RAPH1: variants seen among roughly 807,000 people sequenced by gnomAD.
RAPH1 encodes the protein Ras association (RalGDS/AF-6) and pleckstrin homology domains 1.
A neutral mutation model predicts 88.1 loss-of-function variants in RAPH1; 18 were observed. That is an observed-to-expected ratio of 0.20 (90% CI 0.14 to 0.30). RAPH1 has a LOEUF of 0.30. Ranked by LOEUF, RAPH1 falls within the 10% of genes least tolerant of loss-of-function variation. The probability of loss-of-function intolerance (pLI) is 1.00; values close to 1 mark genes in which losing one functional copy is unlikely to be tolerated. For missense variants in RAPH1, 1,448 were observed against 1,543.2 expected (o/e 0.94, Z 1.03); for synonymous variants, 587 against 559.0 (o/e 1.05, Z -0.71).
chr2:203,505,840 C>T (rs962772719), intron 1 of RAPH1, among the ~76,000 whole-genome samples: 7 of 152,148 alleles, frequency 4.6e-5, no homozygotes, highest in African/African-American at 9.7e-5. Context: ...TACACACACG[C>T]GCGCGCACGC....
chr2:203,450,777 G>GC (rs1351940532), intron 10 of RAPH1, among the ~76,000 whole-genome samples: 1 of 152,168 alleles, frequency 6.6e-6, no homozygotes, highest in Non-Finnish European at 1.5e-5. Context: ...TAGATGGCTC[G>GC]CAACTGTATC....
At chr2:203,533,818 C>T (rs1442614128) in intron 1 of RAPH1, among the ~76,000 whole-genome samples, 1 of 152,136 alleles carries the variant, frequency 6.6e-6, no homozygotes, top group Non-Finnish European at 1.5e-5. Context: ...AGGTGCTACG[C>T]ATTTTGCATA....
At chr2:203,506,900 T>A (rs7576492) in intron 1 of RAPH1, among the ~76,000 whole-genome samples, 33,735 of 91,318 alleles carry the variant, frequency 0.37, 8,022 homozygotes, top group Middle Eastern at 0.55. Context: ...ATATATATAT[T>A]TTTTTTTTTT....
rs1690271083 is a variant in RAPH1, at chr2:203,529,103, C to T, written c.-1+6008G>A. Among the ~76,000 whole-genome samples the T allele has an allele frequency of 2.8e-5, 4 of 145,086 alleles. No homozygotes were observed. In the South Asian group the frequency reaches 6.6e-4, roughly 24 times the overall value. The stretch of plus-strand genomic sequence containing the variant: ...GGTGATGCTCCCAATCTCAGCCTCC[C>T]GAGTTAACTGCAACTACAGGCACAC... On this transcript the variant is annotated intron_variant, in intron 1 of 13. Transcript: ENST00000319170.
In RAPH1 at chr2:203,486,044, G is replaced by A. The variant is rs906421318; in HGVS notation, c.732+3540C>T. Reference sequence around the variant, plus strand: ...GAAGACTGGAAGAATCTTCTCCAGAGAAGCTCACCAGCCTAGGAAAAAAAA... The same window carrying A: ...GAAGACTGGAAGAATCTTCTCCAGAAAAGCTCACCAGCCTAGGAAAAAAAA... On this transcript the variant is annotated intron_variant, in intron 4 of 13. Transcript: ENST00000319170. 2.8e-5 allele frequency among the ~76,000 whole-genome samples: 4 copies of A among 144,522 alleles called. No homozygotes were observed. In the Admixed American group the frequency reaches 2.9e-4, roughly 10 times the overall value. The allele number at this position is 144,522 out of a possible 152,430, so 94.8% of individuals were successfully genotyped here.
At chr2:203,529,006 T>TATATATATATATA (rs1553633902) in intron 1 of RAPH1, among the ~76,000 whole-genome samples, 4 of 46,094 alleles carry the variant, frequency 8.7e-5, no homozygotes, top group African/African-American at 2.4e-4. Context: ...TATATATATA[T>TATATATATATATA]TTTTTTTTTT....
At chr2:203,465,805 A>C (rs2245769) in intron 4 of RAPH1, among the ~76,000 whole-genome samples, 15,884 of 152,126 alleles carry the variant, frequency 0.1, 1,684 homozygotes, top group African/African-American at 0.27. Context: ...TTGAAACCAG[A>C]AAACGGAGGT....
chr2:203,522,681 C>A (rs1689940107), intron 1 of RAPH1, among the ~76,000 whole-genome samples: 9 of 151,966 alleles, frequency 5.9e-5, no homozygotes, highest in Admixed American at 5.9e-4. Context: ...GCAGGCGGAT[C>A]ACCTGAGGTC....
At chr2:203,516,472 G>T (rs1689611201) in intron 1 of RAPH1, among the ~76,000 whole-genome samples, 1 of 152,212 alleles carries the variant, frequency 6.6e-6, no homozygotes, top group African/African-American at 2.4e-5. Flanking sequence ...TTTGTTGGCG[G>T]GGCGTGATGG....
chr2:203,484,850 A>G (rs958983794), intron 4 of RAPH1, among the ~76,000 whole-genome samples: 1 of 152,250 alleles, frequency 6.6e-6, no homozygotes, highest in African/African-American at 2.4e-5. Flanking sequence ...AACAGACCAT[A>G]GCTTGAAGCC....
At chr2:203,458,848 C>T (rs1009900970) in intron 7 of RAPH1, among the ~76,000 whole-genome samples, 1 of 151,942 alleles carries the variant, frequency 6.6e-6, no homozygotes, top group Non-Finnish European at 1.5e-5. Context: ...GTGCAAGCTC[C>T]GACTCCCGGA....
chr2:203,438,082 G>T lies in RAPH1; in HGVS notation c.*1355C>A. ...CTCCACGTTATACCAAACTGCACAC[G>T]CATAAAACGTAATGTCAGTTACTGG... On this transcript the variant is annotated 3_prime_UTR_variant, in exon 14 of 14. Coordinates refer to ENST00000319170, the MANE Select transcript of RAPH1 (RefSeq NM_213589.3). The T allele has an allele frequency of 2.0e-6, 1 of 510,146 alleles. No individual in the cohort carries two copies. Among genetic ancestry groups the T allele is most frequent in the Non-Finnish European group, 3.9e-6 (1 of 255,884 alleles). The allele number at this position is 510,146 out of a possible 1,614,324, so 31.6% of individuals were successfully genotyped here. A position where few individuals can be genotyped will look rare whatever the true frequency, so the allele number is the denominator to read the frequency against.
At chr2:203,477,204 C>CG in intron 4 of RAPH1, 1 of 1,417,702 alleles carries the variant, frequency 7.1e-7, no homozygotes, top group South Asian at 1.2e-5. Context: ...GGAGGTGAAA[C>CG]GGGCAGTTCT....
chr2:203,529,580 G>A (rs982704507), intron 1 of RAPH1, among the ~76,000 whole-genome samples: 6 of 152,020 alleles, frequency 3.9e-5, no homozygotes, highest in African/African-American at 1.5e-4. Flanking sequence ...TCAGGCTGGT[G>A]TCAAACTCCC....
At position 203,440,797 on chromosome 2, in the gene RAPH1, A is replaced by T. The variant is rs142211303; in HGVS notation, c.2393T>A (p.Val798Glu). The T allele has an allele frequency of 1.7e-4, 269 of 1,605,390 alleles. 2 individuals are homozygous for T. Among genetic ancestry groups the T allele is most frequent in the Admixed American group, 4.6e-4 (27 of 59,246 alleles). ...AGGTGTGGGTGGTGCAGCTTGAGTC[A>T]CAACAGGTGCCACAGTCTTGGTGCT... is the stretch of plus-strand genomic sequence containing the variant. ...PTSTKTVAPV[V>E]TQAAPPTPTP... Residue 798 changes from valine (V) to glutamate (E), a missense_variant, in exon 14 of 14, where the codon GTG becomes GAG. Transcript: ENST00000319170.
Position 203,461,352 on chromosome 2 carries a change from C to T in RAPH1, c.867G>A (p.Glu289=). 6.2e-7 allele frequency: 1 copy of T among 1,610,698 alleles called. No individual in the cohort carries two copies. The highest frequency in any genetic ancestry group is 8.5e-7 in the Non-Finnish European group (1 of 1,178,198). Residue 289 remains glutamate (E), a synonymous_variant, in exon 6 of 14, where the codon GAG becomes GAA. Coordinates refer to ENST00000319170, the MANE Select transcript of RAPH1 (RefSeq NM_213589.3). ...DDSSKTMMVD[E]RQTVRQVLDN... is the part of the protein sequence containing the mutation. ...CCAGTACTTGTCTTACTGTCTGCCT[C>T]TCATCCACCATCATTGTTTTAGAAC...
intron 8 of RAPH1, 72 bp downstream of exon 8, chr2:203,457,458 G>T: frequency 1.7e-6 from 2 of 1,183,706 alleles, no homozygotes; most frequent in Non-Finnish European, 2.5e-6. Flanking sequence ...TGTTGGGATT[G>T]CAGGCGTGAG....
At chr2:203,481,112 A>T (rs2105785180) in intron 4 of RAPH1, among the ~76,000 whole-genome samples, 1 of 152,272 alleles carries the variant, frequency 6.6e-6, no homozygotes, top group South Asian at 2.1e-4. Context: ...ACACCACAAG[A>T]TGGGGATGCT....
intron 1 of RAPH1, among the ~76,000 whole-genome samples, chr2:203,518,264 C>T (rs537353346): frequency 6.6e-6 from 1 of 152,070 alleles, no homozygotes; most frequent in South Asian, 2.1e-4. Flanking sequence ...ACTTGTAGTC[C>T]CAGCACTTTG....
Sources: gnomAD v4.1 joint callset for allele counts (sites outside exome capture counted in the v4.1 genomes callset) on GRCh38, gnomAD v4.1.1 for gene constraint, MANE v1.5 for transcripts, NCBI Gene and HGNC (gene_info 2026-07-23, HGNC 2026-07-21) for gene names.